Variants in ADCY8 observed in about 807,000 individuals in gnomAD.
ADCY8 encodes the protein adenylate cyclase 8.
ADCY8 carries 51 observed loss-of-function variants against 119.7 expected under a neutral mutation model. The observed-to-expected ratio is 0.43, with a 90% CI of 0.34 to 0.54. The LOEUF (loss-of-function observed/expected upper bound fraction) is 0.54. Ranked by LOEUF, ADCY8 falls within the 20% of genes least tolerant of loss-of-function variation. The probability of loss-of-function intolerance (pLI) is 0.03; values close to 1 mark genes in which losing one functional copy is unlikely to be tolerated. For missense variants in ADCY8, 1,383 were observed against 1,598.8 expected (o/e 0.87, Z 2.30); for synonymous variants, 665 against 651.0 (o/e 1.02, Z -0.33).
At chr8:130,811,773 G>A (rs1816174903) in intron 14 of ADCY8, among the ~76,000 whole-genome samples, 1 of 152,158 alleles carries the variant, frequency 6.6e-6, no homozygotes, top group African/African-American at 2.4e-5. Flanking sequence ...TTAGGAGGAT[G>A]AGATGGCCTG....
chr8:131,027,515 G>T (rs1289359813), intron 1 of ADCY8, among the ~76,000 whole-genome samples: 1 of 152,196 alleles, frequency 6.6e-6, no homozygotes, highest in Non-Finnish European at 1.5e-5. Flanking sequence ...TGAATCTTGG[G>T]GGTGGGGCTG....
chr8:130,859,376 C>T (rs1817853288), intron 9 of ADCY8, among the ~76,000 whole-genome samples: 1 of 152,304 alleles, frequency 6.6e-6, no homozygotes, highest in East Asian at 1.9e-4. Flanking sequence ...CTGCCATCCA[C>T]TTACACAATT....
intron 1 of ADCY8, among the ~76,000 whole-genome samples, chr8:131,028,225 T>TA: frequency 6.6e-6 from 1 of 152,368 alleles, no homozygotes; most frequent in East Asian, 1.9e-4. Context: ...GAAATATACT[T>TA]ACATGGTTTC....
intron 1 of ADCY8, among the ~76,000 whole-genome samples, chr8:131,025,510 C>T (rs1245531355): frequency 3.3e-5 from 5 of 152,114 alleles, no homozygotes; most frequent in Admixed American, 6.5e-5. Flanking sequence ...ATGAGATTCC[C>T]GCGTGATGTG....
rs146856577 is a variant in ADCY8, at chr8:130,884,449, C to A, written c.2109+115G>T. On this transcript the variant is annotated intron_variant, in intron 8 of 17. Transcript: ENST00000286355. The stretch of plus-strand genomic sequence containing the variant: ...AAATGAAAGACAGTACCAAACCAAA[C>A]CAAAGCAAACAAACAAAGAAACCAA... The A allele has an allele frequency of 8.8e-6, 10 of 1,135,218 alleles. No individual in the cohort carries two copies. In the African/African-American group the frequency reaches 9.3e-5, roughly 11 times the overall value. 70.3% of individuals were successfully genotyped at this position (1,135,218 alleles called of 1,614,324 possible). A position where few individuals can be genotyped will look rare whatever the true frequency, so the allele number is the denominator to read the frequency against.
Position 131,024,768 on chromosome 8 carries a change from C to T in ADCY8, c.960+14606G>A, listed in dbSNP as rs1013194537. On this transcript the variant is annotated intron_variant, in intron 1 of 17. Transcript: ENST00000286355. ...TGATGGTGCCAATGTAATTAAACCA[C>T]TAGGAGAAATTAAATATTAAATACC... 3.3e-5 allele frequency among the ~76,000 whole-genome samples: 5 copies of T among 152,296 alleles called. No homozygotes were observed. In the East Asian group the frequency reaches 9.6e-4, roughly 29 times the overall value.
intron 4 of ADCY8, among the ~76,000 whole-genome samples, chr8:130,942,388 T>C (rs1342636825): frequency 6.6e-6 from 1 of 152,226 alleles, no homozygotes; most frequent in Non-Finnish European, 1.5e-5. Flanking sequence ...CCCCCAGACT[T>C]ACCTTCCTCA....
At position 131,039,324 on chromosome 8, in the gene ADCY8, T is replaced by C. The variant is rs189897638; in HGVS notation, c.960+50A>G. On this transcript the variant is annotated intron_variant, in intron 1 of 17. Transcript: ENST00000286355. ...GGCTCTCTGGAAGCTATATGATCAATAACCCGGGGAAGTTAGAGGGGAAAC... is the reference window on the plus strand; with the variant it reads ...GGCTCTCTGGAAGCTATATGATCAACAACCCGGGGAAGTTAGAGGGGAAAC... The C allele has an allele frequency of 3.4e-3, 5,396 of 1,591,210 alleles. 14 individuals are homozygous for C. The highest frequency in any genetic ancestry group is 3.7e-3 in the Non-Finnish European group (4,360 of 1,167,530).
chr8:130,842,821 G>A (rs960490965), intron 11 of ADCY8, among the ~76,000 whole-genome samples: 1 of 145,904 alleles, frequency 6.9e-6, no homozygotes, highest in Non-Finnish European at 1.5e-5. Flanking sequence ...GTAGTGAGCC[G>A]AGATTGCACC....
At chr8:131,011,168 T>C (rs543535790) in intron 1 of ADCY8, among the ~76,000 whole-genome samples, 82 of 106,960 alleles carry the variant, frequency 7.7e-4, no homozygotes, top group African/African-American at 4.0e-3. Context: ...TAAAAGTTTA[T>C]TGAATGAAAA....
chr8:130,997,258 C>T (rs1041080738), intron 1 of ADCY8, among the ~76,000 whole-genome samples: 1 of 113,748 alleles, frequency 8.8e-6, no homozygotes, highest in Non-Finnish European at 2.0e-5. Context: ...TATACATATA[C>T]ATATATAAAT....
intron 2 of ADCY8, among the ~76,000 whole-genome samples, chr8:130,977,340 G>A (rs1158005058): frequency 6.6e-6 from 1 of 152,168 alleles, no homozygotes; most frequent in Non-Finnish European, 1.5e-5. Context: ...AGCTTACTTG[G>A]ACAATACTTG....
chr8:130,821,204 A>G, intron 13 of ADCY8, 138 bp downstream of exon 13: 1 of 625,956 alleles, frequency 1.6e-6, no homozygotes, highest in Middle Eastern at 2.6e-4. Flanking sequence ...GGTGGTCTTT[A>G]TTAGGAATTG....
rs1817069436 is a variant in ADCY8, at chr8:130,839,103, C to G, written c.2503-2654G>C. Among the ~76,000 whole-genome samples the G allele has an allele frequency of 2.2e-5, 3 of 139,018 alleles. 1 individual carries two copies. In the South Asian group the frequency reaches 8.7e-4, roughly 40 times the overall value. The allele number at this position is 139,018 out of a possible 152,430, so 91.2% of individuals were successfully genotyped here. A position where few individuals can be genotyped will look rare whatever the true frequency, so the allele number is the denominator to read the frequency against. ...TGTCAGGAGGATTGATTCCTTAGGTCATATTAGAGAATCATACAACTACTC... is the reference window on the plus strand; with the variant it reads ...TGTCAGGAGGATTGATTCCTTAGGTGATATTAGAGAATCATACAACTACTC... On this transcript the variant is annotated intron_variant, in intron 11 of 17. Coordinates refer to ENST00000286355, the MANE Select transcript of ADCY8 (RefSeq NM_001115.3).
chr8:130,884,910 T>C (rs943158696), intron 7 of ADCY8, 149 bp from the exon 8 acceptor site: 10 of 814,938 alleles, frequency 1.2e-5, no homozygotes, highest in Admixed American at 4.2e-5. Flanking sequence ...GTTGATCTGA[T>C]AGCATTTGGT....
intron 1 of ADCY8, among the ~76,000 whole-genome samples, chr8:130,996,100 A>G (rs1822764244): frequency 6.6e-6 from 1 of 152,148 alleles, no homozygotes; most frequent in Non-Finnish European, 1.5e-5. Context: ...GTAAGATAAA[A>G]CACCAAAACT....
At chr8:130,991,514 C>T (rs1822577769) in intron 1 of ADCY8, among the ~76,000 whole-genome samples, 1 of 152,206 alleles carries the variant, frequency 6.6e-6, no homozygotes, top group South Asian at 2.1e-4. Flanking sequence ...AATAACTGAA[C>T]TGATATTTGA....
intron 13 of ADCY8, 59 bp from the exon 14 acceptor site, chr8:130,814,286 G>A: frequency 6.4e-7 from 1 of 1,574,758 alleles, no homozygotes; most frequent in Non-Finnish European, 8.7e-7. Flanking sequence ...GTAGGCTTCA[G>A]GCACAGACAA....
chr8:130,894,749 C>T (rs965867912), intron 7 of ADCY8, among the ~76,000 whole-genome samples: 2 of 152,076 alleles, frequency 1.3e-5, no homozygotes, highest in Non-Finnish European at 2.9e-5. Context: ...CAAAAATATC[C>T]GTTATCTTTT....
Sources: allele counts gnomAD v4.1 joint callset (sites outside exome capture counted in the v4.1 genomes callset), GRCh38; gene constraint gnomAD v4.1.1; transcripts MANE v1.5; gene names NCBI Gene and HGNC (gene_info 2026-07-23, HGNC 2026-07-21).